Variants in VEGFD observed in about 807,000 individuals in gnomAD.
VEGFD encodes vascular endothelial growth factor D, also known as c-fos induced growth factor (vascular endothelial growth factor D).
VEGFD carries 26 observed loss-of-function variants against 28.0 expected under a neutral mutation model. The observed-to-expected ratio is 0.93, with a 90% CI of 0.68 to 1.29. VEGFD has a LOEUF of 1.29. VEGFD is among the 50% of genes most tolerant of loss of function. The pLI, the probability that VEGFD is intolerant of heterozygous loss-of-function variation, is 0.00. For missense variants in VEGFD, 294 were observed against 273.4 expected (o/e 1.08, Z -0.53); for synonymous variants, 93 against 95.5 (o/e 0.97, Z 0.15).
intron 3 of VEGFD, among the ~76,000 whole-genome samples, chrX:15,356,288 T>C (rs767035118): frequency 1.8e-5 from 2 of 112,087 alleles, no homozygotes; most frequent in East Asian, 5.6e-4. Flanking sequence ...CAATCACCAT[T>C]CCATGTAGTC....
intron 6 of VEGFD, 121 bp downstream of exon 6, chrX:15,347,043 A>G (rs1030194097): frequency 1.4e-5 from 8 of 590,786 alleles, no homozygotes; most frequent in Non-Finnish European, 2.2e-5. Context: ...CCTCTGTTCT[A>G]TTATCCAAAA....
At chrX:15,350,765 TTTTC>T (rs1158073425) in intron 5 of VEGFD, among the ~76,000 whole-genome samples, 15 of 98,947 alleles carry the variant, frequency 1.5e-4, no homozygotes, top group Non-Finnish European at 2.4e-4. Context: ...TTTTTCTTTC[TTTTC>T]TTTCTTTCTT....
chrX:15,350,621 C>T (rs1037488704), intron 5 of VEGFD, among the ~76,000 whole-genome samples: 2 of 112,461 alleles, frequency 1.8e-5, no homozygotes, highest in Admixed American at 9.4e-5. Context: ...AAACCTCCTC[C>T]GTACAAAACT....
At chrX:15,355,450 T>C in intron 3 of VEGFD, 152 bp from the exon 4 acceptor site, 1 of 395,515 alleles carries the variant, frequency 2.5e-6, no homozygotes. Context: ...CTCATCTAAC[T>C]TTATGAAGTG....
chrX:15,375,091 C>T (rs140828604), intron 1 of VEGFD, among the ~76,000 whole-genome samples: 1,964 of 110,815 alleles, frequency 0.018, 46 homozygotes, highest in African/African-American at 0.061. Context: ...CCTTAGAAGC[C>T]GGACAGGTGA....
intron 1 of VEGFD, among the ~76,000 whole-genome samples, chrX:15,383,600 T>A (rs1449008247): frequency 8.9e-6 from 1 of 111,754 alleles, no homozygotes; most frequent in Admixed American, 9.5e-5. Context: ...CCAAAAAGAT[T>A]CCAGACTGCT....
chrX:15,350,916 C>T (rs1011203966), intron 5 of VEGFD, among the ~76,000 whole-genome samples: 8 of 102,655 alleles, frequency 7.8e-5, no homozygotes, highest in Middle Eastern at 4.4e-3. Context: ...GGCCCGAGTG[C>T]GGTGGCATGA....
intron 1 of VEGFD, among the ~76,000 whole-genome samples, chrX:15,381,767 G>A (rs1427788731): frequency 1.8e-5 from 2 of 111,209 alleles, no homozygotes; most frequent in Non-Finnish European, 3.8e-5. Flanking sequence ...TTTAGCTATA[G>A]GCAATCCTTT....
chrX:15,363,392 T>C (rs1303020045), intron 1 of VEGFD, 73 bp from the exon 2 acceptor site: 1 of 873,745 alleles, frequency 1.1e-6, no homozygotes, highest in Non-Finnish European at 1.6e-6. Context: ...TCTTCATTTC[T>C]GACACTTAGA....
At chrX:15,352,859 A>C (rs1283904634) in intron 5 of VEGFD, among the ~76,000 whole-genome samples, 2 of 111,960 alleles carry the variant, frequency 1.8e-5, no homozygotes, top group Non-Finnish European at 3.8e-5. Context: ...GACCTTGAGG[A>C]AATTACTCGA....
chrX:15,371,930 G>A (rs1923319580), intron 1 of VEGFD, among the ~76,000 whole-genome samples: 1 of 112,017 alleles, frequency 8.9e-6, no homozygotes, highest in Non-Finnish European at 1.9e-5. Context: ...TTTATTATGA[G>A]AGCACGTAGT....
At position 15,346,862 on chromosome X, in the gene VEGFD, C is replaced by T. The variant is rs189403738; in HGVS notation, c.938+302G>A. On this transcript the variant is annotated intron_variant, in intron 6 of 6. Transcript: ENST00000297904. ...AGGAGACTCCCTTGAACCAGAGAGACGGAGGTTGCAGTGAGCCCAGATCAC... is the reference window on the plus strand; with the variant it reads ...AGGAGACTCCCTTGAACCAGAGAGATGGAGGTTGCAGTGAGCCCAGATCAC... Among the ~76,000 whole-genome samples the T allele has an allele frequency of 1.4e-3, 160 of 110,390 alleles. 1 individual carries two copies. Among genetic ancestry groups the T allele is most frequent in the African/African-American group, 5.2e-3 (156 of 30,288 alleles).
intron 1 of VEGFD, 85 bp downstream of exon 1, chrX:15,383,772 G>T: frequency 1.4e-6 from 1 of 689,954 alleles, no homozygotes; most frequent in Non-Finnish European, 2.3e-6. Context: ...TTTTTATATT[G>T]TTTCAAAAAT....
In VEGFD at chrX:15,346,027, G is replaced by T; in HGVS notation, c.*106C>A. 9.9e-7 allele frequency: 1 copy of T among 1,012,957 alleles called. No homozygotes were observed. The highest frequency in any genetic ancestry group is 1.4e-6 in the Non-Finnish European group (1 of 739,121). 83.5% of individuals were successfully genotyped at this position (1,012,957 alleles called of 1,213,427 possible). On this transcript the variant is annotated 3_prime_UTR_variant, in exon 7 of 7. Coordinates refer to ENST00000297904, the MANE Select transcript of VEGFD (RefSeq NM_004469.5). The stretch of plus-strand genomic sequence containing the variant: ...TGGTCTGGATTCACTGTGGTGCTGT[G>T]TAAAATGGATTTTTTTTTTAACACC...
chrX:15,383,789 G>T, intron 1 of VEGFD, 68 bp downstream of exon 1: 1 of 800,578 alleles, frequency 1.2e-6, no homozygotes, highest in Non-Finnish European at 1.9e-6. Flanking sequence ...AAATAGTGAG[G>T]GCAAAGAAAG....
At chrX:15,367,986 AAAAG>A (rs199761765) in intron 1 of VEGFD, among the ~76,000 whole-genome samples, 3,969 of 66,590 alleles carry the variant, frequency 0.06, 126 homozygotes, top group Non-Finnish European at 0.075. Flanking sequence ...AAGAAAAAGA[AAAAG>A]AAAGAAAGAA....
intron 1 of VEGFD, among the ~76,000 whole-genome samples, chrX:15,367,786 C>G (rs766911918): frequency 5.5e-5 from 6 of 108,151 alleles, no homozygotes; most frequent in Non-Finnish European, 7.6e-5. Flanking sequence ...GAGACCCTGT[C>G]TCTACTAAAA....
chrX:15,359,930 C>T (rs1171118796), intron 2 of VEGFD, among the ~76,000 whole-genome samples: 1 of 112,253 alleles, frequency 8.9e-6, no homozygotes, highest in African/African-American at 3.2e-5. Context: ...TTCTGGCCCA[C>T]AGAAACTGAG....
Position 15,355,241 on chromosome X carries a change from C to T in VEGFD, c.550G>A (p.Ala184Thr), listed in dbSNP as rs1480359696. 2 of 1,204,093 alleles carry T rather than the reference C, an allele frequency of 1.7e-6. No individual in the cohort carries two copies. The highest frequency in any genetic ancestry group is 2.2e-5 in the Admixed American group (1 of 45,351). Residue 184 changes from alanine to threonine, a missense_variant, in exon 4 of 7, where the codon GCC (alanine) becomes ACC (threonine). Ala to Thr is a moderately conservative substitution (Grantham distance 58). Transcript: ENST00000297904. ...SVPELVPVKVANHTGCKCLPT... is the reference protein window; with the variant it reads ...SVPELVPVKVTNHTGCKCLPT... The stretch of plus-strand genomic sequence containing the variant: ...AAGCACTTACAACCTGTATGATTGG[C>T]AACTTTAACAGGCACTAATTCAGGT...
Sources: gnomAD v4.1 joint callset for allele counts (sites outside exome capture counted in the v4.1 genomes callset) on GRCh38, gnomAD v4.1.1 for gene constraint, MANE v1.5 for transcripts, NCBI Gene and HGNC (gene_info 2026-07-23, HGNC 2026-07-21) for gene names.